Variants in APPBP2 observed in about 807,000 individuals in gnomAD.
APPBP2 encodes the protein amyloid protein-binding protein 2.
In APPBP2, 15 loss-of-function variants were observed where a neutral mutation model predicts 76.0. The observed-to-expected ratio is 0.20, with a 90% CI of 0.13 to 0.30. The LOEUF (loss-of-function observed/expected upper bound fraction) is 0.30. APPBP2 is among the 10% of genes least tolerant of loss of function. APPBP2 has a pLI of 1.00. For missense variants in APPBP2, 401 were observed against 687.2 expected (o/e 0.58, Z 4.66); for synonymous variants, 222 against 242.2 (o/e 0.92, Z 0.77).
intron 1 of APPBP2, among the ~76,000 whole-genome samples, chr17:60,520,216 T>A (rs1472981585): frequency 3.3e-5 from 5 of 152,196 alleles, no homozygotes; most frequent in African/African-American, 1.2e-4. Context: ...AGTATGGTTT[T>A]CAGCATGGTA....
chr17:60,455,611 G>A (rs1381037785), intron 10 of APPBP2, among the ~76,000 whole-genome samples: 1 of 152,168 alleles, frequency 6.6e-6, no homozygotes, highest in African/African-American at 2.4e-5. Context: ...AACCTGATAC[G>A]AAGCTCAGGA....
chr17:60,456,575 T>C (rs2090433128), intron 9 of APPBP2, among the ~76,000 whole-genome samples, 194 bp from the exon 10 acceptor site: 1 of 152,142 alleles, frequency 6.6e-6, no homozygotes. Context: ...AGACTCCCAT[T>C]TCCCTCAGAA....
intron 1 of APPBP2, among the ~76,000 whole-genome samples, chr17:60,517,100 C>T (rs551337140): frequency 1.3e-5 from 2 of 152,234 alleles, no homozygotes; most frequent in African/African-American, 4.8e-5. Flanking sequence ...CTCAGACTCC[C>T]AAGTAGCTGG....
chr17:60,466,806 T>C (rs565713758), intron 4 of APPBP2, among the ~76,000 whole-genome samples: 29 of 152,336 alleles, frequency 1.9e-4, no homozygotes, highest in Non-Finnish European at 3.4e-4. Flanking sequence ...TGGAAAATAA[T>C]GAAGAAAATA....
chr17:60,490,957 G>A (rs1294500199), intron 3 of APPBP2, among the ~76,000 whole-genome samples: 1 of 152,112 alleles, frequency 6.6e-6, no homozygotes, highest in Non-Finnish European at 1.5e-5. Flanking sequence ...GTCTTTAACA[G>A]CAGCATGAAA....
intron 3 of APPBP2, among the ~76,000 whole-genome samples, chr17:60,493,484 A>G (rs1188761377): frequency 5.9e-5 from 9 of 152,098 alleles, no homozygotes; most frequent in Non-Finnish European, 1.3e-4. Context: ...AACTACTTTT[A>G]TATTTATCAT....
chr17:60,491,594 G>A lies in APPBP2; in HGVS notation c.379+2872C>T, dbSNP rs576629284. Among the ~76,000 whole-genome samples the A allele has an allele frequency of 2.3e-4, 35 of 152,020 alleles. No homozygotes were observed. The East Asian group carries it at 5.6e-3, about 24-fold the overall frequency. ...CGAGTAGCTGAGATTACAGGCACCC[G>A]CCAACAGGCCCGGCTAGTTTTTGTA... On this transcript the variant is annotated intron_variant, in intron 3 of 12. Transcript: ENST00000083182.
chr17:60,488,770 C>T (rs2090701951), intron 3 of APPBP2, among the ~76,000 whole-genome samples: 1 of 152,142 alleles, frequency 6.6e-6, no homozygotes, highest in Non-Finnish European at 1.5e-5. Context: ...GTCTTCCTTT[C>T]ATCTTCTTTC....
At chr17:60,500,678 T>C (rs1259949587) in intron 1 of APPBP2, among the ~76,000 whole-genome samples, 191 bp from the exon 2 acceptor site, 1 of 152,162 alleles carries the variant, frequency 6.6e-6, no homozygotes, top group Non-Finnish European at 1.5e-5. Flanking sequence ...CAAATTGGTA[T>C]TTGTAAACCA....
chr17:60,512,098 T>G (rs2090918417), intron 1 of APPBP2, among the ~76,000 whole-genome samples: 1 of 145,614 alleles, frequency 6.9e-6, no homozygotes, highest in Middle Eastern at 3.4e-3. Flanking sequence ...GTTTTTTTAT[T>G]ATTATTATTA....
chr17:60,496,261 T>G (rs969924664), intron 2 of APPBP2, among the ~76,000 whole-genome samples: 1 of 152,226 alleles, frequency 6.6e-6, no homozygotes, highest in African/African-American at 2.4e-5. Context: ...AGTTGAATGG[T>G]AGAATTTAAA....
Position 60,467,301 on chromosome 17 carries a change from T to C in APPBP2, c.504-842A>G, listed in dbSNP as rs566918086. Among the ~76,000 whole-genome samples, 10 of 152,332 alleles carry C rather than the reference T, an allele frequency of 6.6e-5. No homozygotes were observed. The East Asian group carries it at 1.5e-3, about 23-fold the overall frequency. ...ACAAGGATGGACAGGTTAGGAAGTA[T>C]TCCTCAGGAGCATCAAATCAACAGA... On this transcript the variant is annotated intron_variant, in intron 4 of 12. Transcript: ENST00000083182.
At chr17:60,511,907 A>T (rs1216829359) in intron 1 of APPBP2, among the ~76,000 whole-genome samples, 2 of 152,074 alleles carry the variant, frequency 1.3e-5, no homozygotes, top group African/African-American at 4.8e-5. Flanking sequence ...ACACATTTTT[A>T]AAATTTTTAA....
intron 3 of APPBP2, 98 bp from the exon 4 acceptor site, chr17:60,479,369 A>AT (rs1239386730): frequency 8.0e-6 from 10 of 1,246,742 alleles, no homozygotes; most frequent in African/African-American, 1.5e-5. Context: ...TTAAAAATAA[A>AT]CCATGATAGT....
intron 1 of APPBP2, among the ~76,000 whole-genome samples, chr17:60,505,738 G>C (rs1389766637): frequency 7.8e-6 from 1 of 127,660 alleles, no homozygotes; most frequent in East Asian, 2.4e-4. Context: ...CCAGGCTAGA[G>C]TGTAGTGGTG....
rs201052278 is a variant in APPBP2, at chr17:60,444,129, GA to G, written c.*3451del. ...GGGCAACAAGAGCGAAACTCCGTCT[GA>G]AAAAAAAAAAAAAAATTTCCTGGCA... On this transcript the variant is annotated 3_prime_UTR_variant, in exon 13 of 13. Coordinates refer to ENST00000083182, the MANE Select transcript of APPBP2 (RefSeq NM_006380.5). The G allele has an allele frequency of 7.6e-3, 984 of 129,670 alleles. 3 individuals are homozygous for G. The highest frequency in any genetic ancestry group is 0.012 in the Middle Eastern group (3 of 260). 8.0% of individuals were successfully genotyped at this position (129,670 alleles called of 1,614,324 possible).
rs541775758 is a variant in APPBP2, at chr17:60,490,600, G to T, written c.379+3866C>A. On this transcript the variant is annotated intron_variant, in intron 3 of 12. Transcript: ENST00000083182. Reference sequence around the variant, plus strand: ...AGGAAGACTGCTTGAGCCCAAGTTTGAAGTTACAGTGAGCTATGATTGTTG... The same window carrying T: ...AGGAAGACTGCTTGAGCCCAAGTTTTAAGTTACAGTGAGCTATGATTGTTG... 2.4e-4 allele frequency among the ~76,000 whole-genome samples: 36 copies of T among 152,268 alleles called. No homozygotes were observed. The South Asian group carries it at 7.5e-3, about 32-fold the overall frequency.
chr17:60,454,020 T>C (rs754644361), intron 11 of APPBP2, among the ~76,000 whole-genome samples: 37 of 152,210 alleles, frequency 2.4e-4, no homozygotes, highest in Non-Finnish European at 3.5e-4. Context: ...GACAGGCATG[T>C]GCCACCACAC....
At chr17:60,499,491 T>G (rs2143450312) in intron 2 of APPBP2, among the ~76,000 whole-genome samples, 1 of 152,266 alleles carries the variant, frequency 6.6e-6, no homozygotes, top group East Asian at 1.9e-4. Context: ...CTGTACAACA[T>G]AGTCAAACTA....
Sources: allele counts gnomAD v4.1 joint callset (sites outside exome capture counted in the v4.1 genomes callset), GRCh38; gene constraint gnomAD v4.1.1; transcripts MANE v1.5; gene names NCBI Gene and HGNC (gene_info 2026-07-23, HGNC 2026-07-21).